Variants in QSER1 observed in about 807,000 individuals in gnomAD.
QSER1 encodes glutamine and serine-rich protein 1.
In QSER1, 49 loss-of-function variants were observed where a neutral mutation model predicts 158.5. That is an observed-to-expected ratio of 0.31 (90% CI 0.25 to 0.39). The LOEUF (loss-of-function observed/expected upper bound fraction) is 0.39. Ranked by LOEUF, QSER1 falls within the 10% of genes least tolerant of loss-of-function variation. QSER1 has a pLI of 1.00. For missense variants in QSER1, 1,754 were observed against 2,010.3 expected, an observed-to-expected ratio of 0.87 and a Z score of 2.44; for synonymous variants, 650 against 715.5, an observed-to-expected ratio of 0.91 and a Z score of 1.46.
At chr11:32,900,787 T>C (rs531086637) in intron 1 of QSER1, among the ~76,000 whole-genome samples, 6 of 152,344 alleles carry the variant, frequency 3.9e-5, no homozygotes, top group African/African-American at 1.4e-4. Context: ...TTGCTGCTTC[T>C]GCTTTTGCTG....
chr11:32,900,542 G>A (rs923844040), intron 1 of QSER1, among the ~76,000 whole-genome samples: 11 of 151,750 alleles, frequency 7.2e-5, no homozygotes, highest in Non-Finnish European at 1.6e-4. Flanking sequence ...CTAGGTGACA[G>A]AGCAAGACTC....
chr11:32,928,124 G>A lies in QSER1; in HGVS notation c.484+1G>A. On this transcript the variant is annotated splice_donor_variant, in intron 3 of 12. Transcript: ENST00000650167. LOFTEE classifies it high-confidence loss of function. ...TTCAGGGCTCCATCCTGGCAGACAGGTGATTTTCTGTTTCTAGAATTTTTA... is the reference window on the plus strand; with the variant it reads ...TTCAGGGCTCCATCCTGGCAGACAGATGATTTTCTGTTTCTAGAATTTTTA... 2 of 1,590,656 alleles carry A rather than the reference G, an allele frequency of 1.3e-6. No individual in the cohort carries two copies. Among genetic ancestry groups the A allele is most frequent in the Non-Finnish European group, 1.7e-6 (2 of 1,158,956 alleles).
At chr11:32,948,539 G>T (rs1302271482) in intron 4 of QSER1, among the ~76,000 whole-genome samples, 1 of 152,214 alleles carries the variant, frequency 6.6e-6, no homozygotes, top group African/African-American at 2.4e-5. Context: ...TGAGGCAGGA[G>T]TATCGGGTGA....
intron 10 of QSER1, among the ~76,000 whole-genome samples, chr11:32,971,589 A>C (rs1852857477): frequency 6.6e-6 from 1 of 152,188 alleles, no homozygotes; most frequent in Non-Finnish European, 1.5e-5. Flanking sequence ...GCATGTTTTA[A>C]ATAGAAAACA....
At chr11:32,897,759 A>G (rs1160114922) in intron 1 of QSER1, among the ~76,000 whole-genome samples, 1 of 152,190 alleles carries the variant, frequency 6.6e-6, no homozygotes, top group Non-Finnish European at 1.5e-5. Context: ...CTGATCACAT[A>G]ACCAACTACC....
rs180938476 is a variant in QSER1 at position 32,958,918 on chromosome 11, C to A, written c.4969+832C>A. Among the ~76,000 whole-genome samples the A allele has an allele frequency of 6.4e-4, 98 of 152,150 alleles. 4 individuals carry two copies. The East Asian group carries it at 0.019, about 29-fold the overall frequency. On this transcript the variant is annotated intron_variant, in intron 8 of 12. Coordinates refer to ENST00000650167, the MANE Select transcript of QSER1 (RefSeq NM_001076786.3). ...TGTAAAGGTTGAAATAATTTGTTAT[C>A]AAACTTCTTGATCTTAGAACCATTT...
chr11:32,907,992 C>T (rs1851715479), intron 1 of QSER1, among the ~76,000 whole-genome samples: 1 of 152,078 alleles, frequency 6.6e-6, no homozygotes, highest in Non-Finnish European at 1.5e-5. Flanking sequence ...CTCAGCTACT[C>T]AGGTGGCTGA....
chr11:32,954,090 G>A lies in QSER1; in HGVS notation c.4411G>A (p.Asp1471Asn), dbSNP rs1164140196. The change falls in exon 5 of 13, where the codon GAT (aspartate) becomes AAT (asparagine). Residue 1471 changes from aspartate (D) to asparagine (N), a missense_variant. By Grantham distance (23) the Asp-to-Asn change is conservative. Around this residue, in one of 2 missense-constraint regions of QSER1, gnomAD observed 1,707 missense variants for 1,919.6 expected, o/e 0.89. Coordinates refer to ENST00000650167, the MANE Select transcript of QSER1 (RefSeq NM_001076786.3). ...QDTVAIEGFT[D>N]EEDTESGGEG... The stretch of plus-strand genomic sequence containing the variant: ...CACTGTTGCCATAGAAGGTTTTACA[G>A]ATGAGGAGGACACAGAAAGCGGAGG... 6.2e-7 allele frequency: 1 copy of A among 1,614,164 alleles called. No individual in the cohort carries two copies. Among genetic ancestry groups the A allele is most frequent in the African/African-American group, 1.3e-5 (1 of 75,058 alleles).
chr11:32,932,684 G>A lies in QSER1; in HGVS notation c.1426G>A (p.Val476Ile). The A allele has an allele frequency of 6.2e-7, 1 of 1,614,132 alleles. No individual in the cohort carries two copies. Among genetic ancestry groups the A allele is most frequent in the Admixed American group, 1.7e-5 (1 of 60,026 alleles). Residue 476 changes from valine (V) to isoleucine (I), a missense_variant, in exon 4 of 13, where the codon GTA becomes ATA. Around this residue, in one of 2 missense-constraint regions of QSER1, gnomAD observed 1,707 missense variants for 1,919.6 expected, o/e 0.89. Transcript: ENST00000650167. The part of the protein sequence containing the change: ...SVSQSQNYGL[V>I]QPHNVPSIVH... ...TAGTCAGTCCCAAAATTACGGTTTA[G>A]TACAGCCACATAATGTGCCATCTAT...
At chr11:32,900,264 T>G (rs528695094) in intron 1 of QSER1, among the ~76,000 whole-genome samples, 1 of 152,242 alleles carries the variant, frequency 6.6e-6, no homozygotes, top group East Asian at 1.9e-4. Context: ...TGTTAATCAG[T>G]AAAATCCAAT....
At chr11:32,953,249 T>G (rs566013933) in intron 4 of QSER1, among the ~76,000 whole-genome samples, 41 of 147,764 alleles carry the variant, frequency 2.8e-4, no homozygotes, top group Middle Eastern at 3.6e-3. Flanking sequence ...ATGTTTTGGG[T>G]TTTTTTTTTT....
chr11:32,956,705 A>G (rs995538256), intron 7 of QSER1, among the ~76,000 whole-genome samples: 1 of 152,058 alleles, frequency 6.6e-6, no homozygotes, highest in African/African-American at 2.4e-5. Flanking sequence ...TAACATTCCC[A>G]CCTACTGGAA....
At position 32,955,285 on chromosome 11, in the gene QSER1, G is replaced by T; in HGVS notation, c.4501-11G>T. ...GTGTTTTGTAAGTATCATTAATTCTGGTTATTACAGGAGGCTTTAAAAACA... is the reference window on the plus strand; with the variant it reads ...GTGTTTTGTAAGTATCATTAATTCTTGTTATTACAGGAGGCTTTAAAAACA... On this transcript the variant is annotated splice_polypyrimidine_tract_variant and intron_variant, in intron 5 of 12. Transcript: ENST00000650167. 7.3e-7 allele frequency: 1 copy of T among 1,366,790 alleles called. No individual in the cohort carries two copies. The allele number at this position is 1,366,790 out of a possible 1,614,324, so 84.7% of individuals were successfully genotyped here. A position where few individuals can be genotyped will look rare whatever the true frequency, so the allele number is the denominator to read the frequency against.
At chr11:32,965,944 AACACACACACACACACACAC>A (rs5790910) in intron 8 of QSER1, among the ~76,000 whole-genome samples, 2 of 123,520 alleles carry the variant, frequency 1.6e-5, no homozygotes, top group Non-Finnish European at 3.3e-5. Context: ...TCTGTCTCAA[AACACACACACACACACACAC>A]ACACACACAC....
At chr11:32,958,571 G>A (rs576627366) in intron 8 of QSER1, among the ~76,000 whole-genome samples, 43 of 152,088 alleles carry the variant, frequency 2.8e-4, no homozygotes, top group African/African-American at 1.0e-3. Flanking sequence ...TTTAAGATAT[G>A]GGCTCTTGCT....
rs553504269 is a variant in QSER1 at position 32,906,551 on chromosome 11, A to G, written c.209+13217A>G. On this transcript the variant is annotated intron_variant, in intron 1 of 12. Coordinates refer to ENST00000650167, the MANE Select transcript of QSER1 (RefSeq NM_001076786.3). ...GTAGCTAGGACTACAGGTATGTGCC[A>G]CCATGCCTGGCTAAATTCGGGTATA... Among the ~76,000 whole-genome samples, 8 of 152,140 alleles carry G rather than the reference A, an allele frequency of 5.3e-5. No homozygotes were observed. In the East Asian group the frequency reaches 1.6e-3, roughly 29 times the overall value.
At chr11:32,937,612 A>C (rs1852172242) in intron 4 of QSER1, among the ~76,000 whole-genome samples, 1 of 152,324 alleles carries the variant, frequency 6.6e-6, no homozygotes, top group Admixed American at 6.5e-5. Context: ...GCCAGTCTCT[A>C]TGCCAGTCCA....
intron 4 of QSER1, among the ~76,000 whole-genome samples, chr11:32,952,297 C>T (rs1852435738): frequency 6.6e-6 from 1 of 152,092 alleles, no homozygotes; most frequent in African/African-American, 2.4e-5. Context: ...GGGGAAGTTC[C>T]CAGGCTGTTG....
chr11:32,956,710 C>T (rs747672895), intron 7 of QSER1, among the ~76,000 whole-genome samples: 1 of 152,186 alleles, frequency 6.6e-6, no homozygotes, highest in South Asian at 2.1e-4. Flanking sequence ...TTCCCACCTA[C>T]TGGAAGCAGC....
Sources: allele counts gnomAD v4.1 joint callset (sites outside exome capture counted in the v4.1 genomes callset), GRCh38; gene constraint gnomAD v4.1.1; regional missense constraint gnomAD v4.1.1; transcripts MANE v1.5; gene names NCBI Gene and HGNC (gene_info 2026-07-23, HGNC 2026-07-21).